ADAMTS17: variants seen among roughly 807,000 people sequenced by gnomAD.
ADAMTS17 encodes ADAM metallopeptidase with thrombospondin type 1 motif 17.
A neutral mutation model predicts 141.5 loss-of-function variants in ADAMTS17; 113 were observed. The ratio of observed to expected loss-of-function variants is 0.80; its 90% confidence interval spans 0.69 to 0.93. The LOEUF (loss-of-function observed/expected upper bound fraction) is 0.93. ADAMTS17 is among the 40% of genes least tolerant of loss of function. The pLI, the probability that ADAMTS17 is intolerant of heterozygous loss-of-function variation, is 0.00. For missense variants in ADAMTS17, 1,659 were observed against 1,517.9 expected (o/e 1.09, Z -1.54); for synonymous variants, 768 against 630.6 (o/e 1.22, Z -3.27).
At chr15:99,975,572 A>G (rs1049012116) in intron 21 of ADAMTS17, among the ~76,000 whole-genome samples, 6 of 152,120 alleles carry the variant, frequency 3.9e-5, no homozygotes, top group Non-Finnish European at 4.4e-5. Context: ...AACTGGTAAG[A>G]GGCCAGGTTC....
At chr15:100,137,563 A>G (rs990645714) in intron 10 of ADAMTS17, among the ~76,000 whole-genome samples, 8 of 152,306 alleles carry the variant, frequency 5.3e-5, no homozygotes, top group African/African-American at 1.9e-4. Context: ...TTCTGCTTTC[A>G]GCGAATAGCA....
chr15:100,124,220 C>T (rs1456256563), intron 12 of ADAMTS17, among the ~76,000 whole-genome samples: 1 of 152,170 alleles, frequency 6.6e-6, no homozygotes, highest in African/African-American at 2.4e-5. Flanking sequence ...TCCGCCTTGG[C>T]CTCCCAAAGC....
At chr15:100,022,011 A>G (rs1428225339) in intron 18 of ADAMTS17, among the ~76,000 whole-genome samples, 1 of 152,018 alleles carries the variant, frequency 6.6e-6, no homozygotes, top group Non-Finnish European at 1.5e-5. Flanking sequence ...TGACCTTGCT[A>G]TGGCTTGGGT....
chr15:99,986,287 C>A (rs1567644403), intron 20 of ADAMTS17, among the ~76,000 whole-genome samples: 3 of 152,252 alleles, frequency 2.0e-5, no homozygotes, highest in Admixed American at 1.3e-4. Context: ...GGAACTCAAG[C>A]CTGTATCTCC....
At chr15:100,262,499 C>T in intron 4 of ADAMTS17, 64 bp from the exon 5 acceptor site, 2 of 1,234,578 alleles carry the variant, frequency 1.6e-6, no homozygotes, top group East Asian at 5.2e-5. Context: ...ACAGTAGTAT[C>T]CTAGATGGGA....
intron 8 of ADAMTS17, among the ~76,000 whole-genome samples, chr15:100,181,287 C>T (rs1041067597): frequency 1.3e-5 from 2 of 152,214 alleles, no homozygotes; most frequent in Non-Finnish European, 2.9e-5. Context: ...CCCAAGAGCC[C>T]ACTTGGTGCT....
At chr15:100,200,587 CCT>C (rs1215537713) in intron 7 of ADAMTS17, among the ~76,000 whole-genome samples, 2 of 152,208 alleles carry the variant, frequency 1.3e-5, no homozygotes, top group African/African-American at 2.4e-5. Flanking sequence ...TCGATATGCC[CCT>C]GTGTGACACG....
At chr15:100,140,634 T>C (rs1187457383) in intron 10 of ADAMTS17, among the ~76,000 whole-genome samples, 1 of 152,032 alleles carries the variant, frequency 6.6e-6, no homozygotes, top group Non-Finnish European at 1.5e-5. Flanking sequence ...GTCTCTTTCC[T>C]ACCCACATCA....
At chr15:100,131,909 C>A in intron 12 of ADAMTS17, 98 bp downstream of exon 12, 1 of 1,575,494 alleles carries the variant, frequency 6.3e-7, no homozygotes, top group South Asian at 1.1e-5. Context: ...TTCTAATGCT[C>A]AGCGGGAGAC....
At chr15:100,317,801 G>T (rs2045612831) in intron 3 of ADAMTS17, among the ~76,000 whole-genome samples, 1 of 152,184 alleles carries the variant, frequency 6.6e-6, no homozygotes, top group South Asian at 2.1e-4. Flanking sequence ...TCTGCCATGG[G>T]TGCCTTGCTG....
chr15:100,116,336 T>C (rs79133253), intron 13 of ADAMTS17, among the ~76,000 whole-genome samples: 3,786 of 152,156 alleles, frequency 0.025, 171 homozygotes, highest in African/African-American at 0.085. Context: ...GGAAAGAAAA[T>C]GGGACCTGTG....
chr15:100,331,264 A>G (rs1356677065), intron 2 of ADAMTS17, among the ~76,000 whole-genome samples: 1 of 152,212 alleles, frequency 6.6e-6, no homozygotes, highest in Non-Finnish European at 1.5e-5. Flanking sequence ...CGTTGGGGGT[A>G]GGGGTACAGA....
At chr15:100,237,646 C>CAA (rs767221566) in intron 7 of ADAMTS17, among the ~76,000 whole-genome samples, 3 of 152,036 alleles carry the variant, frequency 2.0e-5, no homozygotes, top group Non-Finnish European at 4.4e-5. Flanking sequence ...TTTTTTGAGA[C>CAA]AGAGTCTCGC....
intron 4 of ADAMTS17, among the ~76,000 whole-genome samples, chr15:100,266,896 C>T (rs900578722): frequency 2.6e-5 from 4 of 151,916 alleles, no homozygotes; most frequent in Non-Finnish European, 5.9e-5. Flanking sequence ...TCCGGTGGTC[C>T]CTACTCTATC....
intron 5 of ADAMTS17, 81 bp downstream of exon 5, chr15:100,262,271 C>T (rs189124135): frequency 7.3e-5 from 96 of 1,314,402 alleles, no homozygotes; most frequent in Non-Finnish European, 9.5e-5. Flanking sequence ...CCTGGAGCCC[C>T]GCTTAGCATT....
chr15:100,082,168 C>A (rs1433134171), intron 15 of ADAMTS17, among the ~76,000 whole-genome samples: 2 of 151,948 alleles, frequency 1.3e-5, no homozygotes, highest in Admixed American at 6.6e-5. Context: ...TGGGTTCAAG[C>A]GATTCTCCTG....
chr15:100,011,044 G>A (rs912673447), intron 18 of ADAMTS17, among the ~76,000 whole-genome samples: 2 of 151,858 alleles, frequency 1.3e-5, no homozygotes, highest in Non-Finnish European at 1.5e-5. Flanking sequence ...GAGGCCCCGC[G>A]ACGCAGACAA....
At chr15:100,156,525 G>A (rs35703065) in intron 8 of ADAMTS17, among the ~76,000 whole-genome samples, 7,713 of 152,264 alleles carry the variant, frequency 0.051, 202 homozygotes, top group Middle Eastern at 0.068. Flanking sequence ...GACTTCCCCC[G>A]TCAGTGGAGG....
At chr15:100,160,084 G>T (rs2039620969) in intron 8 of ADAMTS17, among the ~76,000 whole-genome samples, 1 of 152,058 alleles carries the variant, frequency 6.6e-6, no homozygotes, top group Non-Finnish European at 1.5e-5. Context: ...CTCATCAGCT[G>T]CAGTGTCAAA....
Sources: allele counts gnomAD v4.1 joint callset (sites outside exome capture counted in the v4.1 genomes callset), GRCh38; gene constraint gnomAD v4.1.1; transcripts MANE v1.5; gene names NCBI Gene and HGNC (gene_info 2026-07-23, HGNC 2026-07-21).